The following C4orf50 variants were observed in gnomAD, a reference collection of about 807,000 sequenced individuals.
C4orf50 encodes uncharacterized protein C4orf50.
C4orf50 carries 80 observed loss-of-function variants against 77.2 expected under a neutral mutation model. The ratio of observed to expected loss-of-function variants is 1.04; its 90% confidence interval spans 0.87 to 1.25. The LOEUF (loss-of-function observed/expected upper bound fraction) is 1.25, where lower values mean the gene tolerates loss of function less well. Among genes scored for constraint, C4orf50 ranks in the 50% most tolerant of loss-of-function variants. The probability of loss-of-function intolerance (pLI) is 0.00; values close to 1 mark genes in which losing one functional copy is unlikely to be tolerated. For missense variants in C4orf50, 1,257 were observed against 1,152.9 expected (o/e 1.09, Z -1.31); for synonymous variants, 532 against 465.3 (o/e 1.14, Z -1.84).
At chr4:5,920,508 ACT>A (rs1437616127) in intron 7 of C4orf50, among the ~76,000 whole-genome samples, 2 of 137,054 alleles carry the variant, frequency 1.5e-5, no homozygotes, top group Admixed American at 1.6e-4. Flanking sequence ...ATGGAGTCTC[ACT>A]CTGTCACCCA....
At chr4:5,988,214 T>C in intron 28 of C4orf50, 133 bp downstream of exon 6, 3 of 1,187,744 alleles carry the variant, frequency 2.5e-6, no homozygotes, top group Non-Finnish European at 3.5e-6. Context: ...TGTACCAACC[T>C]CCTCTCATCT....
chr4:5,973,736 C>G (rs1288076910), exon 31 of C4orf50: 3 of 1,614,070 alleles, frequency 1.9e-6, no homozygotes, highest in African/African-American at 1.3e-5. Flanking sequence ...TGCGCCAGCT[C>G]GGAGAGCAGG....
chr4:5,988,977 T>G, exon 28 of C4orf50: 1 of 1,536,034 alleles, frequency 6.5e-7, no homozygotes. Context: ...TCCCTTTCAG[T>G]GTTTCATTTT....
intron 25 of C4orf50, among the ~76,000 whole-genome samples, chr4:6,005,184 T>G (rs1412941862): frequency 7.9e-5 from 12 of 152,194 alleles, no homozygotes; most frequent in Non-Finnish European, 1.6e-4. Context: ...CATTCTACAC[T>G]CCACAGGTTC....
intron 28 of C4orf50, among the ~76,000 whole-genome samples, chr4:5,987,673 G>A (rs1279856400): frequency 6.6e-6 from 1 of 151,720 alleles, no homozygotes; most frequent in Non-Finnish European, 1.5e-5. Context: ...AAAGGAGGGA[G>A]AGAGGGTGGA....
chr4:5,984,374 T>A (rs1243054338), intron 28 of C4orf50, among the ~76,000 whole-genome samples: 6 of 152,134 alleles, frequency 3.9e-5, no homozygotes, highest in Admixed American at 3.9e-4. Context: ...AAAGAGATGA[T>A]CCAAATATTG....
At chr4:5,922,217 C>T (rs1312876589) in intron 7 of C4orf50, among the ~76,000 whole-genome samples, 1 of 152,172 alleles carries the variant, frequency 6.6e-6, no homozygotes, top group Non-Finnish European at 1.5e-5. Flanking sequence ...GGGCCGGGGC[C>T]CACTGCGATG....
chr4:5,989,030 A>G, exon 28 of C4orf50: 7 of 1,536,032 alleles, frequency 4.6e-6, no homozygotes, highest in Non-Finnish European at 6.1e-6. Context: ...TTCCCATTGC[A>G]GTCTTCAAGG....
intron 7 of C4orf50, among the ~76,000 whole-genome samples, chr4:5,911,862 A>G (rs905230787): frequency 1.3e-5 from 2 of 152,204 alleles, no homozygotes; most frequent in Admixed American, 6.5e-5. Flanking sequence ...CCTGGCCAAC[A>G]TGGTGAAACC....
intron 7 of C4orf50, among the ~76,000 whole-genome samples, chr4:5,918,903 CTA>C (rs148962413): frequency 0.05 from 7,670 of 152,210 alleles, 310 homozygotes; most frequent in African/African-American, 0.11. Flanking sequence ...CCCAGCAATG[CTA>C]TCTTTTAAAG....
chr4:5,994,944 G>A (rs992811273), intron 25 of C4orf50, among the ~76,000 whole-genome samples: 2 of 152,152 alleles, frequency 1.3e-5, no homozygotes, highest in South Asian at 2.1e-4. Flanking sequence ...TGTGAACTGC[G>A]TAAGCGAGAG....
At chr4:5,989,548 G>T in exon 28 of C4orf50, 1 of 1,536,080 alleles carries the variant, frequency 6.5e-7, no homozygotes, top group Non-Finnish European at 8.7e-7. Flanking sequence ...TCCCCTACAT[G>T]CAGAGGCTGA....
In C4orf50 at chr4:5,970,539, C is replaced by T. The variant is rs1719848840; in HGVS notation, c.4105-3077G>A. 6.6e-6 allele frequency among the ~76,000 whole-genome samples: 1 copy of T among 152,176 alleles called. No homozygotes were observed. The highest frequency in any genetic ancestry group is 1.5e-5 in the Non-Finnish European group (1 of 68,036). ...GATGGCACAACAGCAGATGCCAGCA[C>T]AGACAGCGGTGCTGGGACCCGTGGC... is the stretch of plus-strand genomic sequence containing the variant. On this transcript the variant is annotated intron_variant, in intron 31 of 33. Transcript: ENST00000531445. This position sits in a 1 kb window ranked among gnomAD's most constrained non-coding sequence, Gnocchi z 4.3.
intron 25 of C4orf50, among the ~76,000 whole-genome samples, chr4:5,998,561 A>C (rs910540652): frequency 2.0e-5 from 3 of 151,948 alleles, no homozygotes; most frequent in Non-Finnish European, 4.4e-5. Flanking sequence ...TCATCCAGTC[A>C]CTCCTGAAGC....
intron 7 of C4orf50, among the ~76,000 whole-genome samples, chr4:5,926,839 G>T (rs1473821531): frequency 6.6e-6 from 1 of 152,144 alleles, no homozygotes; most frequent in East Asian, 1.9e-4. Context: ...GGCCCGAGGG[G>T]GAACCAAAGT....
At chr4:5,930,072 T>C (rs1246242191) in intron 7 of C4orf50, among the ~76,000 whole-genome samples, 2 of 152,176 alleles carry the variant, frequency 1.3e-5, no homozygotes, top group African/African-American at 2.4e-5. Context: ...CAGGTGTTGA[T>C]AGAGAAAACA....
At chr4:5,914,429 C>G (rs944876463) in intron 7 of C4orf50, among the ~76,000 whole-genome samples, 4 of 151,912 alleles carry the variant, frequency 2.6e-5, no homozygotes, top group Admixed American at 2.0e-4. Context: ...TGGTCTCGAT[C>G]TCCTGACCTT....
At chr4:5,909,957 T>C (rs974307221) in intron 7 of C4orf50, among the ~76,000 whole-genome samples, 3 of 152,180 alleles carry the variant, frequency 2.0e-5, no homozygotes, top group Non-Finnish European at 2.9e-5. Context: ...CAGCATTTTT[T>C]CCCCCCTCAG....
At position 6,011,858 on chromosome 4, in the gene C4orf50, G is replaced by A. The variant is rs546824020; in HGVS notation, c.398C>T (p.Ala133Val). 93 of 399,080 alleles carry A rather than the reference G, an allele frequency of 2.3e-4. No homozygotes were observed. Among genetic ancestry groups the A allele is most frequent in the African/African-American group, 1.5e-3 (73 of 48,760 alleles). The allele number at this position is 399,080 out of a possible 1,614,324, so 24.7% of individuals were successfully genotyped here. A position where few individuals can be genotyped will look rare whatever the true frequency, so the allele number is the denominator to read the frequency against. The change falls in exon 24 of 34, where the codon GCG becomes GTG. Residue 133 changes from alanine to valine, a missense_variant. Transcript: ENST00000531445. This position sits in a 1 kb window ranked among gnomAD's most constrained non-coding sequence, Gnocchi z 4.2. ...GCTGGCCAGCTCCCCCTGCAGCGCC[G>A]CCAGCTTCTCCTGGGCCTGGAGCCA...
Sources: allele counts gnomAD v4.1 joint callset (sites outside exome capture counted in the v4.1 genomes callset), GRCh38; gene constraint gnomAD v4.1.1; non-coding constraint Gnocchi (gnomAD v3.1); transcripts MANE v1.5; gene names NCBI Gene and HGNC (gene_info 2026-07-23, HGNC 2026-07-21).